The following NPTN variants were observed in gnomAD, a reference collection of about 807,000 sequenced individuals.
NPTN encodes the protein SDR-1.
Under a neutral mutation model 42.7 loss-of-function variants are expected in NPTN, and 5 were observed. The ratio of observed to expected loss-of-function variants is 0.12; its 90% CI spans 0.06 to 0.25. The LOEUF is 0.25. NPTN is among the 10% of genes least tolerant of loss of function. The pLI, the probability that NPTN is intolerant of heterozygous loss-of-function variation, is 1.00. For synonymous variants in NPTN, 180 were observed against 201.9 expected (o/e 0.89, Z 0.92); for missense variants, 307 against 525.4 (o/e 0.58, Z 4.06).
chr15:73,580,431 TAATA>T (rs1231214965), intron 4 of NPTN, among the ~76,000 whole-genome samples: 1 of 97,294 alleles, frequency 1.0e-5, no homozygotes, highest in Non-Finnish European at 2.2e-5. Flanking sequence ...AATATATATA[TAATA>T]TATATAATAT....
rs574081827 is a variant in NPTN at position 73,588,279 on chromosome 15, GAAAC to G, written c.612-665_612-662del. ...GGTGGTTCCAGTTAGATAAACAAGAGAAACAAACAAACAAACAAAAACAAACAAA... is the reference window on the plus strand; with the variant it reads ...GGTGGTTCCAGTTAGATAAACAAGAGAAACAAACAAACAAAAACAAACAAA... On this transcript the variant is annotated intron_variant, in intron 3 of 8. Transcript: ENST00000345330. Among the ~76,000 whole-genome samples, 873 of 152,266 alleles carry G rather than the reference GAAAC, an allele frequency of 5.7e-3. 4 individuals are homozygous for G. The highest frequency in any genetic ancestry group is 0.01 in the Middle Eastern group (3 of 294).
chr15:73,584,459 T>C (rs1896215040), intron 4 of NPTN, among the ~76,000 whole-genome samples: 1 of 151,886 alleles, frequency 6.6e-6, no homozygotes, highest in African/African-American at 2.4e-5. Context: ...GGTTGAAAAA[T>C]TATAGGGGTA....
At chr15:73,603,618 A>G (rs899501691) in intron 1 of NPTN, among the ~76,000 whole-genome samples, 1 of 152,228 alleles carries the variant, frequency 6.6e-6, no homozygotes, top group Non-Finnish European at 1.5e-5. Context: ...AATAATCTGG[A>G]AAGTCCAAGA....
At chr15:73,614,157 C>CAA (rs577170874) in intron 1 of NPTN, among the ~76,000 whole-genome samples, 49 of 70,010 alleles carry the variant, frequency 7.0e-4, no homozygotes, top group Admixed American at 4.6e-4. Context: ...ACAAAAAATA[C>CAA]AAAAAAAAAA....
Position 73,597,462 on chromosome 15 carries a change from A to G in NPTN, c.92-93T>C. The G allele has an allele frequency of 9.8e-7, 1 of 1,022,106 alleles. No individual in the cohort carries two copies. The highest frequency in any genetic ancestry group is 1.4e-6 in the Non-Finnish European group (1 of 707,870). 63.3% of individuals were successfully genotyped at this position (1,022,106 alleles called of 1,614,324 possible). On this transcript the variant is annotated intron_variant, in intron 1 of 8. Coordinates refer to ENST00000345330, the MANE Select transcript of NPTN (RefSeq NM_012428.4). The surrounding 1 kb of genome is among the most constrained non-coding windows in gnomAD (Gnocchi z 6.3). ...TTAATAGTAATTTAAAGAAAAGAAA[A>G]GAAAAAAGCAAATGAGTTGCAAAGA...
intron 6 of NPTN, chr15:73,563,515 C>T (rs1428327939): frequency 2.3e-6 from 3 of 1,305,908 alleles, no homozygotes; most frequent in African/African-American, 1.5e-5. Flanking sequence ...TGAAAAACTG[C>T]AACTGTAGCG....
chr15:73,594,874 G>A (rs1896760036), intron 2 of NPTN, among the ~76,000 whole-genome samples: 1 of 151,184 alleles, frequency 6.6e-6, no homozygotes, highest in Admixed American at 6.6e-5. Context: ...TAGAACACCT[G>A]ATGTCCCCAT....
intron 8 of NPTN, among the ~76,000 whole-genome samples, chr15:73,561,653 T>C (rs1421132524): frequency 6.6e-6 from 1 of 152,038 alleles, no homozygotes; most frequent in African/African-American, 2.4e-5. Context: ...GCACTCCAGC[T>C]TGGGCAATAG....
Position 73,563,240 on chromosome 15 carries a change from G to A in NPTN, c.1132C>T (p.Pro378Ser). ...EVPDDDEPAG[P>S]MKTNSTNNHK... ...AATGTCCAATAAAGTACTTACATTG[G>A]TCCAGCTGGTTCATCATCTACATGG... is the stretch of plus-strand genomic sequence containing the variant. Residue 378 changes from proline (P) to serine (S), a missense_variant, in exon 7 of 9, where the codon CCA (proline) becomes TCA (serine). Coordinates refer to ENST00000345330, the MANE Select transcript of NPTN (RefSeq NM_012428.4). 4 of 1,596,956 alleles carry A rather than the reference G, an allele frequency of 2.5e-6. No individual in the cohort carries two copies. The highest frequency in any genetic ancestry group is 3.4e-6 in the Non-Finnish European group (4 of 1,164,596).
intron 1 of NPTN, among the ~76,000 whole-genome samples, chr15:73,615,112 GT>G (rs1276672360): frequency 6.7e-6 from 1 of 150,106 alleles, no homozygotes; most frequent in Non-Finnish European, 1.5e-5. Flanking sequence ...GATGTTCACA[GT>G]TTCTGTGAAA....
Position 73,569,430 on chromosome 15 carries a change from C to T in NPTN, c.1114+720G>A. 6 of 985,952 alleles carry T rather than the reference C, an allele frequency of 6.1e-6. No individual in the cohort carries two copies. The South Asian group carries it at 2.8e-4, about 46-fold the overall frequency. The allele number at this position is 985,952 out of a possible 1,614,324, so 61.1% of individuals were successfully genotyped here. On this transcript the variant is annotated intron_variant, in intron 6 of 8. Transcript: ENST00000345330. The surrounding 1 kb of genome is among the most constrained non-coding windows in gnomAD (Gnocchi z 4.1). The stretch of plus-strand genomic sequence containing the variant: ...TGCTACCATCTCCTCCCTTCTCTGA[C>T]CCTAGGCCAGCTTGAGGGCACAGCC...
At chr15:73,619,444 A>T (rs1018093226) in intron 1 of NPTN, among the ~76,000 whole-genome samples, 1 of 152,238 alleles carries the variant, frequency 6.6e-6, no homozygotes, top group Non-Finnish European at 1.5e-5. Context: ...GTCAAGCAAC[A>T]ACTACCAAAA....
intron 1 of NPTN, among the ~76,000 whole-genome samples, chr15:73,619,521 A>G (rs2141466655): frequency 6.6e-6 from 1 of 152,350 alleles, no homozygotes; most frequent in Non-Finnish European, 1.5e-5. Context: ...TAGCAAAATT[A>G]CCTGCTGCAA....
intron 1 of NPTN, among the ~76,000 whole-genome samples, chr15:73,609,520 A>C (rs947104584): frequency 1.8e-4 from 27 of 152,062 alleles, no homozygotes; most frequent in African/African-American, 6.5e-4. Context: ...AATCCCAGCT[A>C]CTCGGGTGGC....
intron 4 of NPTN, among the ~76,000 whole-genome samples, chr15:73,574,845 C>T (rs1895601051): frequency 6.6e-6 from 1 of 152,172 alleles, no homozygotes; most frequent in African/African-American, 2.4e-5. Flanking sequence ...TTATAGGGAT[C>T]ACTTAGGAAG....
chr15:73,573,324 T>C (rs1036663875), intron 5 of NPTN, among the ~76,000 whole-genome samples: 1 of 152,140 alleles, frequency 6.6e-6, no homozygotes, highest in Non-Finnish European at 1.5e-5. Context: ...CAATGCTTCC[T>C]GTAAAGCCTG....
intron 1 of NPTN, among the ~76,000 whole-genome samples, chr15:73,615,593 A>C (rs1897825874): frequency 1.3e-5 from 2 of 152,204 alleles, no homozygotes; most frequent in Non-Finnish European, 2.9e-5. Context: ...TCTTAGAAAG[A>C]CTGTACACAG....
rs142887943 is a variant in NPTN at position 73,594,085 on chromosome 15, A to G, written c.440-1948T>C. 2.0e-3 allele frequency among the ~76,000 whole-genome samples: 307 copies of G among 152,368 alleles called. 2 individuals carry two copies. The highest frequency in any genetic ancestry group is 3.0e-3 in the Non-Finnish European group (207 of 68,034). On this transcript the variant is annotated intron_variant, in intron 2 of 8. Transcript: ENST00000345330. ...AAAGATAGAACCAGTACTCCACAGAAGAGAAATTAAAAAAATATAAAGGCA... is the reference window on the plus strand; with the variant it reads ...AAAGATAGAACCAGTACTCCACAGAGGAGAAATTAAAAAAATATAAAGGCA...
intron 1 of NPTN, among the ~76,000 whole-genome samples, chr15:73,606,679 A>G (rs1287448735): frequency 6.6e-6 from 1 of 152,240 alleles, no homozygotes. Flanking sequence ...AATTTTAATT[A>G]ATTAAAAGAA....
Sources: allele counts gnomAD v4.1 joint callset (sites outside exome capture counted in the v4.1 genomes callset), GRCh38; gene constraint gnomAD v4.1.1; non-coding constraint Gnocchi (gnomAD v3.1); transcripts MANE v1.5; gene names NCBI Gene and HGNC (gene_info 2026-07-23, HGNC 2026-07-21).